ARHGEF12: variants seen among roughly 807,000 people sequenced by gnomAD.
ARHGEF12 encodes the protein Rho guanine nucleotide exchange factor 12, also known as KMT2A/ARHGEF12 fusion protein.
In ARHGEF12, 66 loss-of-function variants were observed where a neutral mutation model predicts 211.2. The observed-to-expected ratio is 0.31, with a 90% CI of 0.26 to 0.38. The LOEUF is 0.38. Ranked by LOEUF, ARHGEF12 falls within the 10% of genes least tolerant of loss-of-function variation. The pLI is 1.00. For missense variants in ARHGEF12, 1,429 were observed against 1,869.5 expected, an observed-to-expected ratio of 0.76 and a Z score of 4.34; for synonymous variants, 592 against 638.4, an observed-to-expected ratio of 0.93 and a Z score of 1.09.
At chr11:120,408,370 C>G (rs1042109494) in intron 3 of ARHGEF12, 3 of 152,128 alleles carry the variant, frequency 2.0e-5, no homozygotes, top group Non-Finnish European at 4.4e-5. Context: ...TCGATCTTTC[C>G]TAGGGTTGTC....
rs1315901374 is a variant in ARHGEF12 at position 120,487,085 on chromosome 11, A to G, written c.*2008A>G. 1 of 217,908 alleles carries G rather than the reference A, an allele frequency of 4.6e-6. No homozygotes were observed. Among genetic ancestry groups the G allele is most frequent in the African/African-American group, 2.2e-5 (1 of 44,550 alleles). 13.5% of individuals were successfully genotyped at this position (217,908 alleles called of 1,614,324 possible). On this transcript the variant is annotated 3_prime_UTR_variant, in exon 41 of 41. Transcript: ENST00000397843. Reference sequence around the variant, plus strand: ...AGGGTTACACCTGTAGCCACTTGACACTAACACCATCGAGGGCAATTAATC... The same window carrying G: ...AGGGTTACACCTGTAGCCACTTGACGCTAACACCATCGAGGGCAATTAATC...
At position 120,467,222 on chromosome 11, in the gene ARHGEF12, G is replaced by A; in HGVS notation, c.2768G>A (p.Arg923His). Residue 923 changes from arginine to histidine, a missense_variant, in exon 29 of 41, where the codon CGT becomes CAT. By Grantham distance (29) the Arg-to-His change is conservative. Around this residue, in one of 7 missense-constraint regions of ARHGEF12, gnomAD observed 223 missense variants for 444.6 expected, o/e 0.50. Transcript: ENST00000397843. ...GCTGAAAGTAATCCACTGTGTCGTC[G>A]TCTTCAACTGAAGGATATTATTCCC... is the stretch of plus-strand genomic sequence containing the variant. ...QDAESNPLCR[R>H]LQLKDIIPTQ... 1 of 1,612,720 alleles carries A rather than the reference G, an allele frequency of 6.2e-7. No individual in the cohort carries two copies. Among genetic ancestry groups the A allele is most frequent in the Non-Finnish European group, 8.5e-7 (1 of 1,179,364 alleles).
chr11:120,347,212 T>TTCTC (rs1555090091), intron 1 of ARHGEF12, among the ~76,000 whole-genome samples: 2 of 87,480 alleles, frequency 2.3e-5, no homozygotes, highest in African/African-American at 7.2e-5. Flanking sequence ...TTCTCTTTCT[T>TTCTC]TTTCTTTCTT....
rs750994161 is a variant in ARHGEF12, at chr11:120,481,448, G to A, written c.4426G>A (p.Val1476Ile). Residue 1476 changes from valine (V) to isoleucine (I), a missense_variant, in exon 39 of 41, where the codon GTC (valine) becomes ATC (isoleucine). Around this residue, in one of 7 missense-constraint regions of ARHGEF12, gnomAD observed 467 missense variants for 468.4 expected, o/e 1.00. Coordinates refer to ENST00000397843, the MANE Select transcript of ARHGEF12 (RefSeq NM_015313.3). ...TTCACCATTCACCCCCGAATTTCTG[G>A]TCCAGCAGCGCTGGGGAGCTATGGA... ...AISPFTPEFL[V>I]QQRWGAMEYS... 4 of 1,614,058 alleles carry A rather than the reference G, an allele frequency of 2.5e-6. No individual in the cohort carries two copies. Among genetic ancestry groups the A allele is most frequent in the Non-Finnish European group, 3.4e-6 (4 of 1,180,050 alleles).
rs56970429 is a variant in ARHGEF12 at position 120,411,581 on chromosome 11, C to CTTTT, written c.199+2154_199+2157dup. On this transcript the variant is annotated intron_variant, in intron 4 of 40. Transcript: ENST00000397843. ...TATTATTTATTTTAAACTTTCTTGG[C>CTTTT]TTTTTTTTTTTTTTTTTTTTTTTTT... is the stretch of plus-strand genomic sequence containing the variant. 4.7e-4 allele frequency: 19 copies of CTTTT among 40,702 alleles called. 4 individuals carry two copies. The highest frequency in any genetic ancestry group is 1.6e-3 in the African/African-American group (17 of 10,394). The allele number at this position is 40,702 out of a possible 1,614,324, so 2.5% of individuals were successfully genotyped here.
chr11:120,446,592 A>T (rs1946054543), intron 17 of ARHGEF12, 84 bp downstream of exon 17: 1 of 990,378 alleles, frequency 1.0e-6, no homozygotes. Flanking sequence ...TTAAATACTT[A>T]GCTTAGCACT....
intron 1 of ARHGEF12, among the ~76,000 whole-genome samples, chr11:120,398,918 A>T (rs892614874): frequency 6.6e-6 from 1 of 152,144 alleles, no homozygotes; most frequent in African/African-American, 2.4e-5. Flanking sequence ...TTATATAATT[A>T]AAAAAATTCT....
At chr11:120,379,168 G>T (rs1246932423) in intron 1 of ARHGEF12, among the ~76,000 whole-genome samples, 1 of 151,934 alleles carries the variant, frequency 6.6e-6, no homozygotes. Context: ...TTTGCACATG[G>T]TTTGTTAAGT....
At chr11:120,372,875 T>C (rs751870869) in intron 1 of ARHGEF12, among the ~76,000 whole-genome samples, 1 of 152,134 alleles carries the variant, frequency 6.6e-6, no homozygotes, top group Non-Finnish European at 1.5e-5. Flanking sequence ...ATTATCAAAC[T>C]GTAACTTATT....
At chr11:120,449,404 T>G in intron 21 of ARHGEF12, 190 bp downstream of exon 21, 1 of 539,946 alleles carries the variant, frequency 1.9e-6, no homozygotes, top group Non-Finnish European at 3.2e-6. Flanking sequence ...ATAATTGTCA[T>G]AAACATCTTT....
At chr11:120,400,972 T>A (rs1025228155) in intron 1 of ARHGEF12, among the ~76,000 whole-genome samples, 2 of 152,230 alleles carry the variant, frequency 1.3e-5, no homozygotes, top group African/African-American at 4.8e-5. Flanking sequence ...GTCCAGAGGC[T>A]TAAAACAAAG....
chr11:120,457,829 A>G (rs1318138117), intron 24 of ARHGEF12, 73 bp downstream of exon 24: 1 of 1,502,168 alleles, frequency 6.7e-7, no homozygotes, highest in Non-Finnish European at 9.1e-7. Flanking sequence ...CTAAAGTTTC[A>G]TTTTAAAGGA....
intron 1 of ARHGEF12, among the ~76,000 whole-genome samples, chr11:120,403,942 G>A (rs1282620726): frequency 6.6e-6 from 1 of 152,180 alleles, no homozygotes; most frequent in Non-Finnish European, 1.5e-5. Context: ...GTAGCTTTCA[G>A]ACCTGCCTTT....
At chr11:120,456,869 G>A (rs1035546958) in intron 22 of ARHGEF12, among the ~76,000 whole-genome samples, 1 of 152,044 alleles carries the variant, frequency 6.6e-6, no homozygotes, top group South Asian at 2.1e-4. Flanking sequence ...GTGGTGGCAC[G>A]CAACTGTAGG....
rs1226983249 is a variant in ARHGEF12 at position 120,425,352 on chromosome 11, T to TG, written c.406+937_406+938insG. ...TATGTTTTCTTGGTTTTTTTTTTTTTTTTGTTTGTTTGTTTTTAGGGTAGG... is the reference window on the plus strand; with the variant it reads ...TATGTTTTCTTGGTTTTTTTTTTTTTGTTTGTTTGTTTGTTTTTAGGGTAGG... On this transcript the variant is annotated intron_variant, in intron 7 of 40. Coordinates refer to ENST00000397843, the MANE Select transcript of ARHGEF12 (RefSeq NM_015313.3). Among the ~76,000 whole-genome samples the TG allele has an allele frequency of 2.4e-3, 359 of 150,320 alleles. 2 individuals are homozygous for TG. The Middle Eastern group carries it at 0.024, about 10-fold the overall frequency.
intron 40 of ARHGEF12, 65 bp downstream of exon 40, chr11:120,484,572 C>A: frequency 7.2e-7 from 1 of 1,394,226 alleles, no homozygotes; most frequent in South Asian, 1.2e-5. Context: ...AATGACTTAT[C>A]ATACTTTGAA....
chr11:120,458,150 C>G lies in ARHGEF12; in HGVS notation c.2296C>G (p.Pro766Ala). The change falls in exon 25 of 41, where the codon CCA (proline) becomes GCA (alanine). Residue 766 changes from proline (P) to alanine (A), a missense_variant. Physicochemically the swap from Pro to Ala is conservative, Grantham distance 27 (BLOSUM62 -1). Coordinates refer to ENST00000397843, the MANE Select transcript of ARHGEF12 (RefSeq NM_015313.3). Reference sequence around the variant, plus strand: ...ATTTGAAAATGACTTAGAGACAGATCCACCCAACTGGCAGCAGCTTGTTAG... The same window carrying G: ...ATTTGAAAATGACTTAGAGACAGATGCACCCAACTGGCAGCAGCTTGTTAG... ...EQFENDLETD[P>A]PNWQQLVSRE... The G allele has an allele frequency of 6.2e-7, 1 of 1,611,642 alleles. No individual in the cohort carries two copies. Among genetic ancestry groups the G allele is most frequent in the East Asian group, 2.2e-5 (1 of 44,832 alleles).
rs11217862 is a variant in ARHGEF12 at position 120,420,085 on chromosome 11, A to G, written c.200-668A>G. Among the ~76,000 whole-genome samples, 203 of 152,330 alleles carry G rather than the reference A, an allele frequency of 1.3e-3. 2 individuals carry two copies. In the East Asian group the frequency reaches 0.034, roughly 26 times the overall value. ...TCTCCCTTAGGAATCAGGTAAGTAT[A>G]TGAAAGAGATGAAGGAACTGGTTGA... On this transcript the variant is annotated intron_variant, in intron 4 of 40. Coordinates refer to ENST00000397843, the MANE Select transcript of ARHGEF12 (RefSeq NM_015313.3).
intron 1 of ARHGEF12, among the ~76,000 whole-genome samples, chr11:120,355,851 T>C (rs1037155291): frequency 8.5e-5 from 13 of 152,084 alleles, no homozygotes; most frequent in Admixed American, 8.5e-4. Flanking sequence ...ATTACAGGAG[T>C]AATTTCTAAG....
Sources: allele counts gnomAD v4.1 joint callset (sites outside exome capture counted in the v4.1 genomes callset), GRCh38; gene constraint gnomAD v4.1.1; regional missense constraint gnomAD v4.1.1; transcripts MANE v1.5; gene names NCBI Gene and HGNC (gene_info 2026-07-23, HGNC 2026-07-21).